PAN3: variants seen among roughly 807,000 people sequenced by gnomAD.
The protein encoded by PAN3 is PAN2-PAN3 deadenylation complex subunit PAN3.
In PAN3, 19 loss-of-function variants were observed where a neutral mutation model predicts 96.2. That is an observed-to-expected ratio of 0.20 (90% CI 0.14 to 0.29). PAN3 has a LOEUF of 0.29. Among genes scored for constraint, PAN3 ranks in the 10% least tolerant of loss-of-function variants. The probability of loss-of-function intolerance (pLI) is 1.00; values close to 1 mark genes in which losing one functional copy is unlikely to be tolerated. For missense variants in PAN3, 882 were observed against 1,108.1 expected, an observed-to-expected ratio of 0.80 and a Z score of 2.90; for synonymous variants, 433 against 406.6, an observed-to-expected ratio of 1.06 and a Z score of -0.78.
intron 9 of PAN3, among the ~76,000 whole-genome samples, chr13:28,264,391 T>G (rs56401130): frequency 0.057 from 8,723 of 152,020 alleles, 324 homozygotes; most frequent in South Asian, 0.15. Context: ...ATACAAAAAT[T>G]AGCCAGGCGT....
At chr13:28,143,960 G>A (rs1052554884) in intron 1 of PAN3, among the ~76,000 whole-genome samples, 2 of 152,090 alleles carry the variant, frequency 1.3e-5, no homozygotes, top group African/African-American at 2.4e-5. Flanking sequence ...GAGTACTGGC[G>A]ATTTGCTGTT....
chr13:28,270,989 C>T, intron 13 of PAN3, 123 bp downstream of exon 13: 3 of 995,588 alleles, frequency 3.0e-6, no homozygotes, highest in South Asian at 4.2e-5. Flanking sequence ...ACTTCTGTAA[C>T]TTTGAATTCA....
chr13:28,160,066 C>G (rs1872710729), intron 1 of PAN3, among the ~76,000 whole-genome samples: 1 of 151,976 alleles, frequency 6.6e-6, no homozygotes, highest in African/African-American at 2.4e-5. Context: ...CTCAGCCTCC[C>G]AAGTAGCTGG....
intron 5 of PAN3, among the ~76,000 whole-genome samples, chr13:28,211,972 C>G (rs988060427): frequency 5.3e-5 from 8 of 152,144 alleles, no homozygotes; most frequent in African/African-American, 1.9e-4. Context: ...TCCACAGTGG[C>G]TAAGGTGGCA....
chr13:28,188,292 T>G (rs1230507912), intron 4 of PAN3, among the ~76,000 whole-genome samples: 1 of 152,190 alleles, frequency 6.6e-6, no homozygotes, highest in African/African-American at 2.4e-5. Flanking sequence ...AGCTTCTTTC[T>G]GTTCATTAAA....
intron 1 of PAN3, among the ~76,000 whole-genome samples, chr13:28,155,974 A>T (rs1326484044): frequency 6.6e-6 from 1 of 152,158 alleles, no homozygotes; most frequent in Non-Finnish European, 1.5e-5. Context: ...CACGTTGTGA[A>T]GGCCCTTCTA....
In PAN3 at chr13:28,295,230, G is replaced by GT. The variant is rs1347918463; in HGVS notation, c.*2709dup. 1 of 152,194 alleles carries GT rather than the reference G, an allele frequency of 6.6e-6. No individual in the cohort carries two copies. The highest frequency in any genetic ancestry group is 2.4e-5 in the African/African-American group (1 of 41,444). 9.4% of individuals were successfully genotyped at this position (152,194 alleles called of 1,614,324 possible). A position where few individuals can be genotyped will look rare whatever the true frequency, so the allele number is the denominator to read the frequency against. On this transcript the variant is annotated 3_prime_UTR_variant, in exon 19 of 19. Transcript: ENST00000380958. ...AACAACTTCCCTAAAAAGCACCAGT[G>GT]TGTTAGGTTCTAATGTCATGACCCA...
intron 1 of PAN3, among the ~76,000 whole-genome samples, chr13:28,144,406 G>A (rs1392425889): frequency 2.6e-5 from 4 of 151,690 alleles, no homozygotes; most frequent in South Asian, 2.1e-4. Context: ...TAGTAGAGAC[G>A]GGGTTTCACC....
chr13:28,162,740 G>C (rs1228943103), intron 1 of PAN3, among the ~76,000 whole-genome samples: 1 of 151,648 alleles, frequency 6.6e-6, no homozygotes, highest in Admixed American at 6.6e-5. Context: ...GTACTTTGAG[G>C]GGCCAAGGAG....
chr13:28,253,152 A>G (rs1306184958), intron 6 of PAN3, among the ~76,000 whole-genome samples: 1 of 152,242 alleles, frequency 6.6e-6, no homozygotes, highest in Non-Finnish European at 1.5e-5. Flanking sequence ...ACATTAAATA[A>G]TATGCAATGG....
intron 6 of PAN3, among the ~76,000 whole-genome samples, chr13:28,249,544 G>T (rs1458171125): frequency 6.6e-6 from 1 of 152,064 alleles, no homozygotes; most frequent in Non-Finnish European, 1.5e-5. Context: ...CACCTCCTGG[G>T]TTCAAGTGAT....
At chr13:28,220,515 G>A in intron 6 of PAN3, 137 bp downstream of exon 6, 2 of 1,049,906 alleles carry the variant, frequency 1.9e-6, no homozygotes, top group South Asian at 3.0e-5. Context: ...TCTAGTTTTT[G>A]GTACCATAGG....
At chr13:28,249,445 G>T (rs774797043) in intron 6 of PAN3, among the ~76,000 whole-genome samples, 1 of 151,902 alleles carries the variant, frequency 6.6e-6, no homozygotes, top group African/African-American at 2.4e-5. Context: ...ATTAACGCAA[G>T]ATTTTTATTA....
chr13:28,185,456 T>G (rs1479706674), intron 4 of PAN3, among the ~76,000 whole-genome samples: 1 of 152,174 alleles, frequency 6.6e-6, no homozygotes, highest in Non-Finnish European at 1.5e-5. Context: ...AACCATGTAC[T>G]TCCTGTACTT....
intron 4 of PAN3, among the ~76,000 whole-genome samples, chr13:28,194,759 C>T (rs980086303): frequency 2.3e-4 from 35 of 151,922 alleles, no homozygotes; most frequent in Admixed American, 1.2e-3. Flanking sequence ...CATGAGCCAC[C>T]GTTCCCGGCC....
intron 1 of PAN3, among the ~76,000 whole-genome samples, chr13:28,163,666 A>T (rs995244537): frequency 6.6e-6 from 1 of 152,214 alleles, no homozygotes; most frequent in Non-Finnish European, 1.5e-5. Flanking sequence ...GAGTATGTAT[A>T]TTAGAAATTG....
intron 5 of PAN3, among the ~76,000 whole-genome samples, chr13:28,213,337 AGAG>A (rs1880285360): frequency 6.6e-6 from 1 of 152,178 alleles, no homozygotes. Flanking sequence ...TGGTATCTGC[AGAG>A]GAGCTGGAGG....
At chr13:28,248,874 TGTAA>T (rs1224546724) in intron 6 of PAN3, among the ~76,000 whole-genome samples, 3 of 152,160 alleles carry the variant, frequency 2.0e-5, no homozygotes, top group Non-Finnish European at 4.4e-5. Flanking sequence ...ATTGTTTTGG[TGTAA>T]GTTTCTTTTT....
In PAN3 at chr13:28,257,723, ATATAT is replaced by A. The variant is rs1258777512; in HGVS notation, c.1248+1190_1248+1194del. On this transcript the variant is annotated intron_variant, in intron 7 of 18. Coordinates refer to ENST00000380958, the MANE Select transcript of PAN3 (RefSeq NM_175854.8). ...ATTATATATATTATATATAATTAAT[ATATAT>A]TATATATAAATTATATATAATATAT... 1.2e-3 allele frequency among the ~76,000 whole-genome samples: 171 copies of A among 139,362 alleles called. 2 individuals are homozygous for A. In the South Asian group the frequency reaches 0.036, roughly 29 times the overall value. 91.4% of individuals were successfully genotyped at this position (139,362 alleles called of 152,430 possible).
Sources: gnomAD v4.1 joint callset for allele counts (sites outside exome capture counted in the v4.1 genomes callset) on GRCh38, gnomAD v4.1.1 for gene constraint, MANE v1.5 for transcripts, NCBI Gene and HGNC (gene_info 2026-07-23, HGNC 2026-07-21) for gene names.